NANOS3: variants seen among roughly 807,000 people sequenced by gnomAD.
The protein encoded by NANOS3 is nanos C2HC-type zinc finger 3.
In NANOS3, 11 loss-of-function variants were observed where a neutral mutation model predicts 13.8. The ratio of observed to expected loss-of-function variants is 0.80; its 90% CI spans 0.50 to 1.32. The LOEUF (loss-of-function observed/expected upper bound fraction) is 1.32. Ranked by LOEUF, NANOS3 falls within the 40% of genes most tolerant of loss-of-function variation. The pLI, the probability that NANOS3 is intolerant of heterozygous loss-of-function variation, is 0.00. For missense variants in NANOS3, 221 were observed against 263.8 expected, an observed-to-expected ratio of 0.84 and a Z score of 1.12; for synonymous variants, 119 against 115.4, an observed-to-expected ratio of 1.03 and a Z score of -0.20.
At chr19:13,862,828 C>T (rs1301140230), upstream of NANOS3, among the ~76,000 whole-genome samples, 2 of 152,226 alleles carry the variant, frequency 1.3e-5, no homozygotes, top group Non-Finnish European at 1.5e-5. Flanking sequence ...TGAGCCACCA[C>T]GCCTGGCCCC....
intron 1 of NANOS3, 39 bp from the exon 2 acceptor site, chr19:13,880,403 G>T: frequency 6.2e-7 from 1 of 1,600,072 alleles, no homozygotes; most frequent in Non-Finnish European, 8.6e-7. Flanking sequence ...TTGAGTCATC[G>T]CCTGTGATTA....
At chr19:13,872,359 A>AG (rs1568363502), upstream of NANOS3, among the ~76,000 whole-genome samples, 483 of 140,086 alleles carry the variant, frequency 3.4e-3, 1 homozygote, top group African/African-American at 0.012. Context: ...AAAAAAAAAA[A>AG]AAGAGAGAGA....
intron 1 of NANOS3, among the ~76,000 whole-genome samples, chr19:13,867,411 C>T (rs990704186): frequency 2.0e-5 from 3 of 151,962 alleles, no homozygotes; most frequent in African/African-American, 7.3e-5. Flanking sequence ...AGAACAGGTG[C>T]GCACCACCAC....
chr19:13,871,916 T>C (rs1032647816), intron 1 of NANOS3, among the ~76,000 whole-genome samples: 15 of 152,038 alleles, frequency 9.9e-5, no homozygotes, highest in Admixed American at 7.9e-4. Flanking sequence ...GGAGGATTGG[T>C]TGGGGCTGGG....
chr19:13,862,079 G>A (rs1022963764), upstream of NANOS3: 1 of 152,362 alleles, frequency 6.6e-6, no homozygotes, highest in Non-Finnish European at 1.5e-5. Flanking sequence ...ATTGGCCACT[G>A]GGCCAGGATC....
chr19:13,868,700 A>G (rs1312342457), intron 1 of NANOS3, among the ~76,000 whole-genome samples: 1 of 151,534 alleles, frequency 6.6e-6, no homozygotes, highest in Non-Finnish European at 1.5e-5. Context: ...AAAAAAAAGA[A>G]TGAAATCCCT....
chr19:13,873,275 C>A (rs1375119111), upstream of NANOS3, among the ~76,000 whole-genome samples: 1 of 119,068 alleles, frequency 8.4e-6, no homozygotes, highest in Non-Finnish European at 1.7e-5. Context: ...GGGTGGGGCT[C>A]TCGGGGGCGG....
In NANOS3 at chr19:13,877,335, G is replaced by A. The variant is rs1481137143; in HGVS notation, c.87G>A (p.Arg29=). 4 of 1,612,796 alleles carry A rather than the reference G, an allele frequency of 2.5e-6. 1 individual carries two copies. The highest frequency in any genetic ancestry group is 1.1e-5 in the South Asian group (1 of 91,088). The stretch of plus-strand genomic sequence containing the variant: ...GTGGGAAAGAGGGTCCTGAAACCAG[G>A]CTGAGCCCCCAGCCAGAGCCAGAGC... ...ALSGKEGPET[R]LSPQPEPEPM... is the part of the protein sequence containing the mutation. The change falls in exon 1 of 2, where the codon AGG becomes AGA. Residue 29 remains arginine (R), a synonymous_variant. Transcript: ENST00000339133.
upstream of NANOS3, chr19:13,862,300 G>C (rs1474245384): frequency 6.6e-6 from 1 of 152,232 alleles, no homozygotes; most frequent in Non-Finnish European, 1.5e-5. Context: ...CCAGCCTGGG[G>C]TGTCCAGGCA....
intron 1 of NANOS3, among the ~76,000 whole-genome samples, chr19:13,879,262 A>G (rs530858553): frequency 5.9e-5 from 9 of 151,974 alleles, no homozygotes; most frequent in Non-Finnish European, 1.2e-4. Context: ...TAAAAGAGAA[A>G]CTCGTTCTAG....
chr19:13,872,479 G>C (rs1976343449), upstream of NANOS3, among the ~76,000 whole-genome samples: 1 of 152,146 alleles, frequency 6.6e-6, no homozygotes, highest in Non-Finnish European at 1.5e-5. Flanking sequence ...CCAAGCTTTT[G>C]AGGAATCTTG....
chr19:13,864,657 A>G (rs2145061061), upstream of NANOS3, among the ~76,000 whole-genome samples: 1 of 151,722 alleles, frequency 6.6e-6, no homozygotes, highest in Middle Eastern at 3.4e-3. Context: ...GTCTGTGGAT[A>G]CCCCAGTGCG....
upstream of NANOS3, among the ~76,000 whole-genome samples, chr19:13,862,829 G>A (rs1051359834): frequency 3.9e-5 from 6 of 152,200 alleles, no homozygotes; most frequent in African/African-American, 4.8e-5. Flanking sequence ...GAGCCACCAC[G>A]CCTGGCCCCA....
At chr19:13,880,286 C>T (rs1473610455) in intron 1 of NANOS3, among the ~76,000 whole-genome samples, 156 bp from the exon 2 acceptor site, 5 of 152,160 alleles carry the variant, frequency 3.3e-5, no homozygotes, top group East Asian at 1.9e-4. Context: ...CGGGGCCGCC[C>T]GGCGGAGCCA....
chr19:13,875,207 GAC>G, upstream of NANOS3, among the ~76,000 whole-genome samples: 1 of 142,914 alleles, frequency 7.0e-6, no homozygotes, highest in East Asian at 2.0e-4. Flanking sequence ...TTTTTTTTAA[GAC>G]AGAGTCTCAC....
upstream of NANOS3, among the ~76,000 whole-genome samples, chr19:13,876,799 G>A (rs948977143): frequency 6.6e-6 from 1 of 152,202 alleles, no homozygotes; most frequent in Non-Finnish European, 1.5e-5. Context: ...TAAGTTACTG[G>A]TAACTGCTAG....
chr19:13,874,228 C>G (rs1310986393), upstream of NANOS3, among the ~76,000 whole-genome samples: 1 of 152,188 alleles, frequency 6.6e-6, no homozygotes, highest in Non-Finnish European at 1.5e-5. Flanking sequence ...CCTAAACCAT[C>G]GTGCCCGGAA....
upstream of NANOS3, among the ~76,000 whole-genome samples, chr19:13,862,889 T>A (rs1427460972): frequency 6.6e-6 from 1 of 152,264 alleles, no homozygotes; most frequent in Non-Finnish European, 1.5e-5. Flanking sequence ...AGGCCCCATC[T>A]GGGCCTCGGT....
chr19:13,864,929 T>C (rs562300542), upstream of NANOS3, among the ~76,000 whole-genome samples: 1 of 151,764 alleles, frequency 6.6e-6, no homozygotes, highest in Non-Finnish European at 1.5e-5. Flanking sequence ...CTGCACACCG[T>C]TCCCTATGTC....
Sources: allele counts gnomAD v4.1 joint callset (sites outside exome capture counted in the v4.1 genomes callset), GRCh38; gene constraint gnomAD v4.1.1; transcripts MANE v1.5; gene names NCBI Gene and HGNC (gene_info 2026-07-23, HGNC 2026-07-21).